Variants in ATG2B observed in about 807,000 individuals in gnomAD.
The protein encoded by ATG2B is autophagy-related protein 2 homolog B.
A neutral mutation model predicts 241.3 loss-of-function variants in ATG2B; 121 were observed. That is an observed-to-expected ratio of 0.50 (90% CI 0.43 to 0.58). ATG2B has a LOEUF of 0.58. Ranked by LOEUF, ATG2B falls within the 20% of genes least tolerant of loss-of-function variation. The probability of loss-of-function intolerance (pLI) is 0.00; values close to 1 mark genes in which losing one functional copy is unlikely to be tolerated. For synonymous variants in ATG2B, 858 were observed against 876.6 expected (o/e 0.98, Z 0.37); for missense variants, 2,306 against 2,491.6 (o/e 0.93, Z 1.59).
intron 1 of ATG2B, among the ~76,000 whole-genome samples, chr14:96,352,791 T>C (rs55845285): frequency 0.2 from 30,656 of 151,012 alleles, 3,855 homozygotes; most frequent in Non-Finnish European, 0.27. Flanking sequence ...AACTTATTAT[T>C]GAAAAAAAAA....
Position 96,290,897 on chromosome 14 carries a change from G to A in ATG2B, c.5618C>T (p.Thr1873Ile). The change falls in exon 39 of 42, where the codon ACT becomes ATT. Residue 1873 changes from threonine to isoleucine, a missense_variant. Coordinates refer to ENST00000359933, the MANE Select transcript of ATG2B (RefSeq NM_018036.7). The surrounding 1 kb of genome is among the most constrained non-coding windows in gnomAD (Gnocchi z 4.4). ...CTTCTTAATGTCATTAAGCCACTCA[G>A]TGATTGCATATGAGAATAATTTGTC... ...GVDKLFSYAITEWLNDIKKNQ... is the reference protein window; with the variant it reads ...GVDKLFSYAIIEWLNDIKKNQ... The A allele has an allele frequency of 6.2e-7, 1 of 1,613,538 alleles. No individual in the cohort carries two copies. Among genetic ancestry groups the A allele is most frequent in the Non-Finnish European group, 8.5e-7 (1 of 1,179,606 alleles).
chr14:96,322,330 A>G, intron 17 of ATG2B, 76 bp from the exon 18 acceptor site: 1 of 1,499,560 alleles, frequency 6.7e-7, no homozygotes, highest in Non-Finnish European at 9.0e-7. Context: ...TAGCCTATCC[A>G]TAGGACTTGG....
At chr14:96,318,097 A>G (rs1383912694) in intron 18 of ATG2B, 1 of 335,676 alleles carries the variant, frequency 3.0e-6, no homozygotes, top group South Asian at 9.5e-5. Context: ...TTAGATACCT[A>G]AATAGATACT....
chr14:96,304,419 A>G, intron 32 of ATG2B, 76 bp downstream of exon 32: 1 of 1,073,382 alleles, frequency 9.3e-7, no homozygotes, highest in Admixed American at 1.8e-5. Flanking sequence ...GCTCAAGACT[A>G]CGTGGTGGGG....
chr14:96,328,560 C>T (rs200860984), intron 13 of ATG2B, 25 bp from the exon 14 acceptor site: 3 of 1,562,614 alleles, frequency 1.9e-6, no homozygotes, highest in African/African-American at 2.8e-5. Flanking sequence ...AAAGAAAAGG[C>T]ATTAATACAA....
intron 1 of ATG2B, among the ~76,000 whole-genome samples, chr14:96,360,372 T>G (rs1369776085): frequency 1.3e-5 from 2 of 152,256 alleles, no homozygotes; most frequent in African/African-American, 4.8e-5. Flanking sequence ...CTACTTGTAC[T>G]ATGAGGAGAA....
At chr14:96,300,110 AGTC>A in intron 34 of ATG2B, among the ~76,000 whole-genome samples, 1 of 152,312 alleles carries the variant, frequency 6.6e-6, no homozygotes, top group South Asian at 2.1e-4. Flanking sequence ...TCCTCAAGGT[AGTC>A]ATAAAATTTA....
At chr14:96,326,846 C>CA (rs1887599389) in intron 14 of ATG2B, among the ~76,000 whole-genome samples, 1 of 152,122 alleles carries the variant, frequency 6.6e-6, no homozygotes, top group South Asian at 2.1e-4. Context: ...GGGTGCAAGC[C>CA]ACCACACCCA....
chr14:96,289,532 G>T lies in ATG2B; in HGVS notation c.6006+124C>A. On this transcript the variant is annotated intron_variant, in intron 41 of 41. Coordinates refer to ENST00000359933, the MANE Select transcript of ATG2B (RefSeq NM_018036.7). This position sits in a 1 kb window ranked among gnomAD's most constrained non-coding sequence, Gnocchi z 4.3. ...ACAGATATGGGCACATGTTATTAGT[G>T]GCAGTTGCCATTCTGCTCCCAGGGA... 1 of 1,157,330 alleles carries T rather than the reference G, an allele frequency of 8.6e-7. No individual in the cohort carries two copies. Among genetic ancestry groups the T allele is most frequent in the Non-Finnish European group, 1.2e-6 (1 of 810,052 alleles). 71.7% of individuals were successfully genotyped at this position (1,157,330 alleles called of 1,614,324 possible). A position where few individuals can be genotyped will look rare whatever the true frequency, so the allele number is the denominator to read the frequency against.
chr14:96,324,990 T>C (rs1410137309), intron 15 of ATG2B, among the ~76,000 whole-genome samples: 3 of 152,306 alleles, frequency 2.0e-5, no homozygotes, highest in East Asian at 3.9e-4. Context: ...CAGGTCTTCA[T>C]AGACTTGGTT....
chr14:96,341,810 C>A, intron 5 of ATG2B, 109 bp from the exon 6 acceptor site: 1 of 904,644 alleles, frequency 1.1e-6, no homozygotes, highest in Non-Finnish European at 1.6e-6. Context: ...ACATGTAAAA[C>A]TGTATGATGT....
At chr14:96,308,250 A>ATG (rs1566719732) in intron 29 of ATG2B, among the ~76,000 whole-genome samples, 320 of 14,000 alleles carry the variant, frequency 0.023, 10 homozygotes, top group Non-Finnish European at 0.048. Flanking sequence ...ATATATATAT[A>ATG]TACACACATA....
At chr14:96,294,512 G>C (rs890034671) in intron 36 of ATG2B, among the ~76,000 whole-genome samples, 6 of 152,202 alleles carry the variant, frequency 3.9e-5, no homozygotes, top group African/African-American at 1.2e-4. Flanking sequence ...AGGGAGGGAA[G>C]GGTCAGGAAA....
intron 1 of ATG2B, among the ~76,000 whole-genome samples, chr14:96,360,043 A>G (rs1888582986): frequency 6.6e-6 from 1 of 152,204 alleles, no homozygotes; most frequent in Non-Finnish European, 1.5e-5. Context: ...ACACTGAAAC[A>G]TTTCCACATA....
chr14:96,328,667 C>A lies in ATG2B; in HGVS notation c.1974+7G>T. The A allele has an allele frequency of 2.5e-6, 4 of 1,592,714 alleles. No homozygotes were observed. The highest frequency in any genetic ancestry group is 3.4e-6 in the Non-Finnish European group (4 of 1,171,972). On this transcript the variant is annotated splice_region_variant and intron_variant, in intron 13 of 41. Coordinates refer to ENST00000359933, the MANE Select transcript of ATG2B (RefSeq NM_018036.7). ...ACAGGTGGCAATTATAGAAAAAGAT[C>A]TCTTACCTGGGGCCCTCTATTCTCA... is the stretch of plus-strand genomic sequence containing the variant.
In ATG2B at chr14:96,315,226, G is replaced by A. The variant is rs1887274914; in HGVS notation, c.3570C>T (p.Leu1190=). The change falls in exon 23 of 42, where the codon CTC becomes CTT. Residue 1190 remains leucine (L), a synonymous_variant. Coordinates refer to ENST00000359933, the MANE Select transcript of ATG2B (RefSeq NM_018036.7). ...TGGCTCCTTTCAGTCCTACGGCAAT[G>A]AGAAATTCCTATACAGAACAAGACA... The part of the protein sequence containing the change: ...DKSESNTKEF[L]IAVGLKGATL... The A allele has an allele frequency of 1.9e-6, 3 of 1,613,626 alleles. No homozygotes were observed. The highest frequency in any genetic ancestry group is 8.5e-7 in the Non-Finnish European group (1 of 1,179,702).
At chr14:96,292,226 G>A in intron 36 of ATG2B, 128 bp from the exon 37 acceptor site, 1 of 540,772 alleles carries the variant, frequency 1.8e-6, no homozygotes. Flanking sequence ...AATATCTTAA[G>A]AACTAAATAA....
intron 28 of ATG2B, 40 bp downstream of exon 28, chr14:96,311,077 G>T (rs372795636): frequency 3.3e-6 from 5 of 1,535,166 alleles, no homozygotes; most frequent in African/African-American, 1.4e-5. Context: ...AACATGTCAC[G>T]ACATGGCAGG....
chr14:96,352,742 A>C (rs562172701), intron 1 of ATG2B, among the ~76,000 whole-genome samples: 1 of 152,130 alleles, frequency 6.6e-6, no homozygotes, highest in Non-Finnish European at 1.5e-5. Flanking sequence ...AAGTTCAAAA[A>C]TTTTTTTAAA....
Sources: gnomAD v4.1 joint callset for allele counts (sites outside exome capture counted in the v4.1 genomes callset) on GRCh38, gnomAD v4.1.1 for gene constraint, Gnocchi (gnomAD v3.1) non-coding constraint, MANE v1.5 for transcripts, NCBI Gene and HGNC (gene_info 2026-07-23, HGNC 2026-07-21) for gene names.